USP40: variants seen among roughly 807,000 people sequenced by gnomAD.
USP40 encodes ubiquitin specific peptidase 40, also known as ubiquitin carboxyl-terminal hydrolase 40.
In USP40, 143 loss-of-function variants were observed where a neutral mutation model predicts 166.2. The ratio of observed to expected loss-of-function variants is 0.86; its 90% CI spans 0.75 to 0.99. The LOEUF (loss-of-function observed/expected upper bound fraction) is 0.99, where lower values mean the gene tolerates loss of function less well. Ranked by LOEUF, USP40 falls within the 50% of genes least tolerant of loss-of-function variation. The pLI, the probability that USP40 is intolerant of heterozygous loss-of-function variation, is 0.00. For missense variants in USP40, 1,444 were observed against 1,479.7 expected, an observed-to-expected ratio of 0.98 and a Z score of 0.40; for synonymous variants, 498 against 524.0, an observed-to-expected ratio of 0.95 and a Z score of 0.68.
intron 2 of USP40, among the ~76,000 whole-genome samples, chr2:233,563,714 C>A (rs1181599884): frequency 2.6e-5 from 4 of 152,182 alleles, no homozygotes; most frequent in Non-Finnish European, 5.9e-5. Context: ...AGTTCTCTGA[C>A]AGTCCTTATT....
chr2:233,521,987 C>T (rs910368718), intron 16 of USP40, among the ~76,000 whole-genome samples: 1 of 152,194 alleles, frequency 6.6e-6, no homozygotes, highest in Non-Finnish European at 1.5e-5. Flanking sequence ...GTTATTATCC[C>T]TATTTGACAG....
At chr2:233,483,909 AT>A (rs2064782959) in intron 30 of USP40, among the ~76,000 whole-genome samples, 1 of 152,228 alleles carries the variant, frequency 6.6e-6, no homozygotes, top group African/African-American at 2.4e-5. Context: ...AGCACCATTC[AT>A]TGAATAACCC....
rs925729284 is a variant in USP40 at position 233,551,421 on chromosome 2, A to T, written c.792T>A (p.Cys264Ter). 5.6e-6 allele frequency: 9 copies of T among 1,612,742 alleles called. No individual in the cohort carries two copies. The African/African-American group carries it at 1.2e-4, about 22-fold the overall frequency. ...GATTAATCCGGAGAGGGAATGTATA[A>T]CAGCTAGTTTCCTTGTAGCGTTCGC... is the stretch of plus-strand genomic sequence containing the variant. ...VKCERYKETSCYTFPLRINLK... is the reference protein window; with the variant it reads ...VKCERYKETS The change falls in exon 7 of 32, where the codon TGT becomes TGA. Residue 264 changes from cysteine (C) to a stop codon, truncating the protein, a stop_gained. Transcript: ENST00000678225. LOFTEE classifies it high-confidence loss of function.
intron 22 of USP40, 68 bp from the exon 23 acceptor site, chr2:233,498,680 G>C (rs975071474): frequency 2.2e-6 from 3 of 1,338,686 alleles, no homozygotes; most frequent in African/African-American, 1.5e-5. Context: ...GTAACTTCTA[G>C]AAGAATGTCT....
intron 2 of USP40, among the ~76,000 whole-genome samples, chr2:233,563,399 T>G (rs898361822): frequency 6.6e-6 from 1 of 152,172 alleles, no homozygotes; most frequent in African/African-American, 2.4e-5. Flanking sequence ...GAAGTCTGTA[T>G]CCGAGCCTAG....
In USP40 at chr2:233,480,780, C is replaced by A. The variant is rs1233482579; in HGVS notation, c.3599+423G>T. On this transcript the variant is annotated intron_variant, in intron 31 of 31. Transcript: ENST00000678225. This position sits in a 1 kb window ranked among gnomAD's most constrained non-coding sequence, Gnocchi z 4.5. ...GCGTCCCCTGGAGTGGCCAGGCTCT[C>A]GGGAACCTTGGAGAGAGCGGGAGAA... Among the ~76,000 whole-genome samples the A allele has an allele frequency of 6.6e-6, 1 of 152,098 alleles. No homozygotes were observed. Among genetic ancestry groups the A allele is most frequent in the Non-Finnish European group, 1.5e-5 (1 of 68,014 alleles).
chr2:233,540,137 A>C (rs1389459434), intron 10 of USP40, among the ~76,000 whole-genome samples: 3 of 151,732 alleles, frequency 2.0e-5, no homozygotes, highest in South Asian at 4.1e-4. Flanking sequence ...AAAAAAAAAA[A>C]AACAAAAAAC....
chr2:233,507,814 A>T (rs981987302), intron 21 of USP40, among the ~76,000 whole-genome samples: 1 of 152,134 alleles, frequency 6.6e-6, no homozygotes, highest in Non-Finnish European at 1.5e-5. Flanking sequence ...ATTGTATATT[A>T]AAAAATAGTT....
At chr2:233,490,118 T>C (rs1405804699) in intron 26 of USP40, among the ~76,000 whole-genome samples, 3 of 151,954 alleles carry the variant, frequency 2.0e-5, no homozygotes, top group Admixed American at 6.6e-5. Context: ...TATTTTCCCA[T>C]TTGTTCTCAT....
chr2:233,493,670 C>G lies in USP40; in HGVS notation c.2791-119G>C. Reference sequence around the variant, plus strand: ...GATGTTCTTGAACTTATCATTTTTCCTTTTAGATTTATTAACTGTCATAAA... The same window carrying G: ...GATGTTCTTGAACTTATCATTTTTCGTTTTAGATTTATTAACTGTCATAAA... On this transcript the variant is annotated intron_variant, in intron 24 of 31. Coordinates refer to ENST00000678225, the MANE Select transcript of USP40 (RefSeq NM_001365479.2). The surrounding 1 kb of genome is among the most constrained non-coding windows in gnomAD (Gnocchi z 4.7). 8.3e-7 allele frequency: 1 copy of G among 1,198,844 alleles called. No individual in the cohort carries two copies. Among genetic ancestry groups the G allele is most frequent in the Non-Finnish European group, 1.1e-6 (1 of 897,808 alleles). 74.3% of individuals were successfully genotyped at this position (1,198,844 alleles called of 1,614,324 possible). A position where few individuals can be genotyped will look rare whatever the true frequency, so the allele number is the denominator to read the frequency against.
At chr2:233,531,077 C>T (rs2068487474) in intron 11 of USP40, among the ~76,000 whole-genome samples, 1 of 152,054 alleles carries the variant, frequency 6.6e-6, no homozygotes, top group Non-Finnish European at 1.5e-5. Flanking sequence ...AGTTATTTCC[C>T]TAGCAAATAA....
At chr2:233,482,603 T>G (rs1476229387) in intron 30 of USP40, among the ~76,000 whole-genome samples, 3 of 149,940 alleles carry the variant, frequency 2.0e-5, no homozygotes, top group African/African-American at 2.5e-5. Flanking sequence ...TTGTTTTTTT[T>G]TTTTTGACAC....
intron 10 of USP40, among the ~76,000 whole-genome samples, chr2:233,537,912 T>G (rs1442620625): frequency 6.6e-6 from 1 of 152,192 alleles, no homozygotes; most frequent in Non-Finnish European, 1.5e-5. Context: ...TATTCTTTCC[T>G]TAATTTCTTT....
At chr2:233,504,639 G>A (rs1041203383) in intron 21 of USP40, among the ~76,000 whole-genome samples, 1 of 151,806 alleles carries the variant, frequency 6.6e-6, no homozygotes, top group Admixed American at 6.6e-5. Flanking sequence ...ATGATATAAA[G>A]GGATTCAATG....
intron 13 of USP40, among the ~76,000 whole-genome samples, chr2:233,527,017 C>T (rs183765813): frequency 2.5e-4 from 38 of 152,298 alleles, no homozygotes; most frequent in Admixed American, 2.2e-3. Context: ...CTGTTCTATA[C>T]TACAGGGTAT....
intron 21 of USP40, among the ~76,000 whole-genome samples, chr2:233,501,049 A>G (rs2066045804): frequency 6.6e-6 from 1 of 152,258 alleles, no homozygotes; most frequent in Admixed American, 6.5e-5. Flanking sequence ...GCTTTAAAAT[A>G]TAATTATAGA....
At position 233,488,225 on chromosome 2, in the gene USP40, G is replaced by C. The variant is rs1559216615; in HGVS notation, c.3197+14C>G. 1.3e-6 allele frequency: 2 copies of C among 1,596,748 alleles called. No homozygotes were observed. The highest frequency in any genetic ancestry group is 2.2e-5 in the East Asian group (1 of 44,640). On this transcript the variant is annotated intron_variant, in intron 28 of 31. Transcript: ENST00000678225. ...ACGTGTGTGTCACTTCAGATGCACA[G>C]GAGAATTTCTTACCCCAAGTTTTCG...
Position 233,527,567 on chromosome 2 carries a change from T to A in USP40, c.1565A>T (p.Asp522Val), listed in dbSNP as rs1429294154. The change falls in exon 13 of 32, where the codon GAT becomes GTT. Residue 522 changes from aspartate to valine, a missense_variant. Asp to Val is a radical substitution (Grantham distance 152). Coordinates refer to ENST00000678225, the MANE Select transcript of USP40 (RefSeq NM_001365479.2). ...CAATTCAAAAGTATTGTTTGCAGAA[T>A]CACATTCTGCCCTTTAAAGAGGCAC... is the stretch of plus-strand genomic sequence containing the variant. ...IELQTKRAECDSANNTFELHL... is the reference protein window; with the variant it reads ...IELQTKRAECVSANNTFELHL... 14 of 1,609,140 alleles carry A rather than the reference T, an allele frequency of 8.7e-6. No homozygotes were observed. Among genetic ancestry groups the A allele is most frequent in the Non-Finnish European group, 1.2e-5 (14 of 1,178,378 alleles).
intron 8 of USP40, among the ~76,000 whole-genome samples, chr2:233,544,559 G>C (rs2069726121): frequency 6.6e-6 from 1 of 152,094 alleles, no homozygotes; most frequent in Non-Finnish European, 1.5e-5. Flanking sequence ...GCATCTAAGA[G>C]TGACTTCATT....
Sources: gnomAD v4.1 joint callset for allele counts (sites outside exome capture counted in the v4.1 genomes callset) on GRCh38, gnomAD v4.1.1 for gene constraint, Gnocchi (gnomAD v3.1) non-coding constraint, MANE v1.5 for transcripts, NCBI Gene and HGNC (gene_info 2026-07-23, HGNC 2026-07-21) for gene names.